CDH18: variants seen among roughly 807,000 people sequenced by gnomAD.
CDH18 encodes cadherin 18, also known as cadherin-18.
CDH18 carries 31 observed loss-of-function variants against 67.9 expected under a neutral mutation model. That is an observed-to-expected ratio of 0.46 (90% CI 0.34 to 0.62). The LOEUF (loss-of-function observed/expected upper bound fraction) is 0.62. CDH18 is among the 20% of genes least tolerant of loss of function. CDH18 has a pLI of 0.01. For synonymous variants in CDH18, 362 were observed against 347.2 expected, an observed-to-expected ratio of 1.04 and a Z score of -0.48; for missense variants, 890 against 975.5, an observed-to-expected ratio of 0.91 and a Z score of 1.17.
intron 1 of CDH18, among the ~76,000 whole-genome samples, chr5:20,410,261 T>C (rs935425165): frequency 1.1e-4 from 17 of 151,748 alleles, no homozygotes; most frequent in African/African-American, 3.9e-4. Flanking sequence ...ACTGAAACAA[T>C]AGCACATTAA....
At chr5:20,028,539 A>T (rs1739112203) in intron 2 of CDH18, among the ~76,000 whole-genome samples, 1 of 152,192 alleles carries the variant, frequency 6.6e-6, no homozygotes, top group African/African-American at 2.4e-5. Flanking sequence ...AAGAAAAAAG[A>T]AGTTTTCCAT....
At chr5:20,505,019 G>A (rs759085617) in intron 1 of CDH18, among the ~76,000 whole-genome samples, 12 of 151,868 alleles carry the variant, frequency 7.9e-5, no homozygotes, top group African/African-American at 2.7e-4. Flanking sequence ...CAGCCGCTTC[G>A]GCCTCCCAAA....
chr5:19,555,638 C>T (rs1473662734), intron 8 of CDH18, among the ~76,000 whole-genome samples: 3 of 152,206 alleles, frequency 2.0e-5, no homozygotes, highest in Non-Finnish European at 4.4e-5. Context: ...AAAGTCTGAG[C>T]TCAGAAAAGC....
At chr5:19,745,128 G>A (rs1209356230) in intron 4 of CDH18, among the ~76,000 whole-genome samples, 1 of 152,056 alleles carries the variant, frequency 6.6e-6, no homozygotes. Context: ...GTTTGTTTCT[G>A]TGGCTACTAG....
intron 5 of CDH18, among the ~76,000 whole-genome samples, chr5:19,615,846 C>A: frequency 6.6e-6 from 1 of 152,274 alleles, no homozygotes; most frequent in Admixed American, 6.5e-5. Context: ...TTCTTCATGT[C>A]TTTTCACAGT....
chr5:20,372,733 T>C (rs1325193670), intron 1 of CDH18, among the ~76,000 whole-genome samples: 1 of 151,782 alleles, frequency 6.6e-6, no homozygotes, highest in Non-Finnish European at 1.5e-5. Context: ...TATTTTACAA[T>C]ATATGACTGA....
At chr5:20,510,646 T>C (rs1754976684) in intron 1 of CDH18, among the ~76,000 whole-genome samples, 2 of 152,144 alleles carry the variant, frequency 1.3e-5, no homozygotes, top group South Asian at 4.1e-4. Context: ...CCCATAACAA[T>C]AGCAATTCCT....
At chr5:20,232,767 A>G (rs962322998) in intron 2 of CDH18, among the ~76,000 whole-genome samples, 49 of 152,214 alleles carry the variant, frequency 3.2e-4, no homozygotes, top group African/African-American at 1.1e-3. Flanking sequence ...TAATTTATGC[A>G]ATAGTTGAAA....
At chr5:20,124,080 G>T (rs1255238696) in intron 2 of CDH18, among the ~76,000 whole-genome samples, 1 of 152,042 alleles carries the variant, frequency 6.6e-6, no homozygotes, top group Admixed American at 6.6e-5. Flanking sequence ...TTCCCATGGG[G>T]GAAATCAAGT....
At chr5:19,660,113 T>C (rs1373914046) in intron 5 of CDH18, among the ~76,000 whole-genome samples, 1 of 152,134 alleles carries the variant, frequency 6.6e-6, no homozygotes, top group African/African-American at 2.4e-5. Context: ...CAAGAATACG[T>C]GTATGTTCAA....
intron 1 of CDH18, among the ~76,000 whole-genome samples, chr5:20,257,033 A>T (rs1445359445): frequency 6.6e-6 from 1 of 151,860 alleles, no homozygotes; most frequent in Non-Finnish European, 1.5e-5. Context: ...TCTACTTATC[A>T]GGGCAAAACT....
chr5:19,769,457 T>C (rs900873760), intron 3 of CDH18, among the ~76,000 whole-genome samples: 4 of 152,074 alleles, frequency 2.6e-5, no homozygotes, highest in Admixed American at 1.3e-4. Context: ...AAACTAGCTG[T>C]TAAAAATGAT....
At position 20,207,641 on chromosome 5, in the gene CDH18, G is replaced by A. The variant is rs992673243; in HGVS notation, c.-518+47803C>T. On this transcript the variant is annotated intron_variant, in intron 2 of 14. Transcript: ENST00000507958. Reference sequence around the variant, plus strand: ...CTATTCACTATCATGAGAACAGCAGGGGAAAGACCCATGCTGTGATCCAAT... The same window carrying A: ...CTATTCACTATCATGAGAACAGCAGAGGAAAGACCCATGCTGTGATCCAAT... Among the ~76,000 whole-genome samples the A allele has an allele frequency of 3.3e-5, 5 of 151,950 alleles. 1 individual carries two copies. Among genetic ancestry groups the A allele is most frequent in the East Asian group, 3.9e-4 (2 of 5,162 alleles).
intron 1 of CDH18, among the ~76,000 whole-genome samples, chr5:20,333,528 TACACAC>T (rs10658368): frequency 2.0e-4 from 27 of 136,848 alleles, no homozygotes; most frequent in African/African-American, 4.8e-4. Flanking sequence ...ACAATATATA[TACACAC>T]ACACACACAC....
chr5:20,369,119 G>A (rs115023721), intron 1 of CDH18, among the ~76,000 whole-genome samples: 809 of 151,642 alleles, frequency 5.3e-3, no homozygotes, highest in Non-Finnish European at 8.1e-3. Context: ...TAGAAATCCC[G>A]GAAAATTGAT....
chr5:19,868,429 G>A (rs1047396975), intron 2 of CDH18, among the ~76,000 whole-genome samples: 1 of 152,036 alleles, frequency 6.6e-6, no homozygotes, highest in Non-Finnish European at 1.5e-5. Context: ...TCATTCTCCA[G>A]GTCCTCAGAG....
At chr5:20,156,193 A>C (rs1303601581) in intron 2 of CDH18, among the ~76,000 whole-genome samples, 1 of 152,134 alleles carries the variant, frequency 6.6e-6, no homozygotes, top group Non-Finnish European at 1.5e-5. Flanking sequence ...AAAAAACTAA[A>C]AATGGAACTA....
At chr5:19,679,811 A>T (rs1476603973) in intron 5 of CDH18, among the ~76,000 whole-genome samples, 1 of 151,980 alleles carries the variant, frequency 6.6e-6, no homozygotes, top group Non-Finnish European at 1.5e-5. Flanking sequence ...CAAATGGAAA[A>T]ACATTCCATA....
At chr5:20,470,244 G>A (rs73764066) in intron 1 of CDH18, among the ~76,000 whole-genome samples, 5,541 of 151,862 alleles carry the variant, frequency 0.036, 341 homozygotes, top group African/African-American at 0.13. Context: ...AATGACTCCC[G>A]TATATACATC....
Sources: gnomAD v4.1 joint callset for allele counts (sites outside exome capture counted in the v4.1 genomes callset) on GRCh38, gnomAD v4.1.1 for gene constraint, MANE v1.5 for transcripts, NCBI Gene and HGNC (gene_info 2026-07-23, HGNC 2026-07-21) for gene names.